The following ARHGAP6 variants were observed in gnomAD, a reference collection of about 807,000 sequenced individuals.
ARHGAP6 encodes rho GTPase-activating protein 6.
A neutral mutation model predicts 55.7 loss-of-function variants in ARHGAP6; 16 were observed. That is an observed-to-expected ratio of 0.29 (90% CI 0.19 to 0.44). The LOEUF is 0.44. ARHGAP6 is among the 20% of genes least tolerant of loss of function. ARHGAP6 has a pLI of 1.00. For synonymous variants in ARHGAP6, 382 were observed against 360.9 expected (o/e 1.06, Z -0.66); for missense variants, 698 against 808.9 (o/e 0.86, Z 1.66).
chrX:11,313,076 G>T (rs763408260), intron 1 of ARHGAP6, among the ~76,000 whole-genome samples: 10 of 112,321 alleles, frequency 8.9e-5, no homozygotes, highest in Non-Finnish European at 1.7e-4. Flanking sequence ...AACCTTAAGA[G>T]GTAGGTACTG....
intron 1 of ARHGAP6, among the ~76,000 whole-genome samples, chrX:11,513,762 T>G (rs73486548): frequency 0.096 from 10,603 of 110,734 alleles, 608 homozygotes; most frequent in African/African-American, 0.2. Flanking sequence ...AATGTGAGTG[T>G]ATTGATAGGT....
At chrX:11,375,847 A>C (rs1456741871) in intron 1 of ARHGAP6, among the ~76,000 whole-genome samples, 5 of 112,323 alleles carry the variant, frequency 4.5e-5, no homozygotes, top group Non-Finnish European at 7.5e-5. Flanking sequence ...TTGTGTAAAA[A>C]TAGAGACCAA....
intron 1 of ARHGAP6, chrX:11,290,438 G>C (rs766042414): frequency 8.0e-6 from 3 of 375,726 alleles, no homozygotes; most frequent in African/African-American, 5.4e-5. Context: ...GGAATTCATC[G>C]GTGGTTTTGT....
rs750889067 is a variant in ARHGAP6 at position 11,139,252 on chromosome X, C to T, written c.2536G>A (p.Ala846Thr). 1.0e-5 allele frequency: 12 copies of T among 1,195,898 alleles called. No individual in the cohort carries two copies. Among genetic ancestry groups the T allele is most frequent in the African/African-American group, 1.7e-5 (1 of 57,149 alleles). Reference sequence around the variant, plus strand: ...AGCTCACTCTCGCTGAGGTCGTGGGCGCCGCTCAGGGTCAAGTACTGCTCC... The same window carrying T: ...AGCTCACTCTCGCTGAGGTCGTGGGTGCCGCTCAGGGTCAAGTACTGCTCC... Reference protein sequence around the residue: ...RSEQYLTLSGAHDLSESELDV... With the variant: ...RSEQYLTLSGTHDLSESELDV... The change falls in exon 13 of 13, where the codon GCC (alanine) becomes ACC (threonine). Residue 846 changes from alanine (A) to threonine (T), a missense_variant. This residue lies in a region of ARHGAP6 where 212 missense variants were observed against 208.7 expected (regional missense o/e 1.02). Transcript: ENST00000337414.
intron 1 of ARHGAP6, among the ~76,000 whole-genome samples, chrX:11,463,677 T>G (rs1487713081): frequency 8.9e-6 from 1 of 111,981 alleles, no homozygotes; most frequent in Non-Finnish European, 1.9e-5. Context: ...TACATTGCAC[T>G]CATGAGTGTG....
chrX:11,239,660 T>G (rs754283971), intron 2 of ARHGAP6, among the ~76,000 whole-genome samples: 77 of 111,799 alleles, frequency 6.9e-4, no homozygotes, highest in African/African-American at 2.3e-3. Flanking sequence ...AAATCCTTTT[T>G]CTGCTTAAGT....
chrX:11,512,436 G>T (rs1240073271), intron 1 of ARHGAP6, among the ~76,000 whole-genome samples: 2 of 111,089 alleles, frequency 1.8e-5, no homozygotes, highest in African/African-American at 6.5e-5. Flanking sequence ...CTTACTGATG[G>T]AGCCTATTAA....
intron 5 of ARHGAP6, among the ~76,000 whole-genome samples, chrX:11,185,142 CTGTGTGTGTGTGTGTGTGTGTG>C (rs3990773): frequency 1.0e-5 from 1 of 95,965 alleles, no homozygotes; most frequent in Non-Finnish European, 2.1e-5. Flanking sequence ...TGGTGCATGA[CTGTGTGTGTGTGTGTGTGTGTG>C]TGTGTGTGTG....
chrX:11,479,953 G>C (rs1219386892), intron 1 of ARHGAP6, among the ~76,000 whole-genome samples: 1 of 111,556 alleles, frequency 9.0e-6, no homozygotes, highest in African/African-American at 3.3e-5. Context: ...ACATGCTTAG[G>C]GTGGGAGCAG....
At chrX:11,256,910 G>A (rs2047501166) in intron 1 of ARHGAP6, among the ~76,000 whole-genome samples, 1 of 111,808 alleles carries the variant, frequency 8.9e-6, no homozygotes, top group Non-Finnish European at 1.9e-5. Flanking sequence ...AGAGGAGTGA[G>A]TGAGCAAATC....
Position 11,257,225 on chromosome X carries a change from C to G in ARHGAP6, c.589-2518G>C, listed in dbSNP as rs60874579. On this transcript the variant is annotated intron_variant, in intron 1 of 12. Coordinates refer to ENST00000337414, the MANE Select transcript of ARHGAP6 (RefSeq NM_013427.3). ...TATCAAGCTTAGGTACCTACGGGAG[C>G]TGACTGTTATTTGAAGTGTCAAAAC... is the stretch of plus-strand genomic sequence containing the variant. 7.3e-3 allele frequency among the ~76,000 whole-genome samples: 815 copies of G among 111,910 alleles called. 11 individuals are homozygous for G. Among genetic ancestry groups the G allele is most frequent in the African/African-American group, 0.024 (753 of 30,786 alleles).
At chrX:11,464,046 A>T (rs188154999) in intron 1 of ARHGAP6, among the ~76,000 whole-genome samples, 1 of 111,806 alleles carries the variant, frequency 8.9e-6, no homozygotes, top group East Asian at 2.8e-4. Context: ...ATAACTTCCT[A>T]TCTTTTTCAG....
rs778324972 is a variant in ARHGAP6 at position 11,319,946 on chromosome X, G to A, written c.589-65239C>T. On this transcript the variant is annotated intron_variant, in intron 1 of 12. Coordinates refer to ENST00000337414, the MANE Select transcript of ARHGAP6 (RefSeq NM_013427.3). ...GCAATTTCTAATTCTCTAAACAGCTGGGGGGGAAAATATCACACAGAAAAG... is the reference window on the plus strand; with the variant it reads ...GCAATTTCTAATTCTCTAAACAGCTAGGGGGGAAAATATCACACAGAAAAG... 2.7e-4 allele frequency among the ~76,000 whole-genome samples: 30 copies of A among 111,906 alleles called. 1 individual carries two copies. The highest frequency in any genetic ancestry group is 5.6e-5 in the Non-Finnish European group (3 of 53,144).
chrX:11,277,267 G>C (rs1403709070), intron 1 of ARHGAP6, among the ~76,000 whole-genome samples: 1 of 111,225 alleles, frequency 9.0e-6, no homozygotes, highest in Non-Finnish European at 1.9e-5. Flanking sequence ...AATTTTGCTT[G>C]TCCATTCTTC....
In ARHGAP6 at chrX:11,337,178, A is replaced by C. The variant is rs778156360; in HGVS notation, c.589-82471T>G. On this transcript the variant is annotated intron_variant, in intron 1 of 12. Coordinates refer to ENST00000337414, the MANE Select transcript of ARHGAP6 (RefSeq NM_013427.3). ...AGGAAAAAAATACACAAGGGTAGAT[A>C]TCTATAGATATATAGATGTACATTG... Among the ~76,000 whole-genome samples the C allele has an allele frequency of 1.4e-4, 16 of 111,048 alleles. No individual in the cohort carries two copies. In the South Asian group the frequency reaches 6.1e-3, roughly 42 times the overall value.
intron 4 of ARHGAP6, among the ~76,000 whole-genome samples, chrX:11,186,940 A>AG (rs765034773): frequency 1.8e-5 from 2 of 110,867 alleles, no homozygotes; most frequent in African/African-American, 3.3e-5. Flanking sequence ...CCTGTAGGGG[A>AG]GGGGGGAAAT....
chrX:11,348,073 C>A (rs771436909), intron 1 of ARHGAP6, among the ~76,000 whole-genome samples: 4 of 112,202 alleles, frequency 3.6e-5, no homozygotes, highest in Admixed American at 9.4e-5. Context: ...TCTGATGCTT[C>A]CTTCAGGACT....
intron 2 of ARHGAP6, among the ~76,000 whole-genome samples, chrX:11,200,298 CA>C (rs2147368137): frequency 8.9e-6 from 1 of 112,410 alleles, no homozygotes; most frequent in African/African-American, 3.2e-5. Context: ...TTGGAATAAG[CA>C]CATAGGGATT....
In ARHGAP6 at chrX:11,567,564, A is replaced by T. The variant is rs868459726; in HGVS notation, c.588+96677T>A. On this transcript the variant is annotated intron_variant, in intron 1 of 12. Transcript: ENST00000337414. ...GGGAGACTCCATCTCAAAAAAAAAA[A>T]AAATATATATATATATTTGCCTCAG... Among the ~76,000 whole-genome samples, 106 of 64,420 alleles carry T rather than the reference A, an allele frequency of 1.6e-3. 1 individual carries two copies. Among genetic ancestry groups the T allele is most frequent in the African/African-American group, 5.5e-3 (82 of 14,838 alleles). The allele number at this position is 64,420 out of a possible 115,157, so 55.9% of individuals were successfully genotyped here. A position where few individuals can be genotyped will look rare whatever the true frequency, so the allele number is the denominator to read the frequency against.
Sources: gnomAD v4.1 joint callset for allele counts (sites outside exome capture counted in the v4.1 genomes callset) on GRCh38, gnomAD v4.1.1 for gene constraint, gnomAD v4.1.1 regional missense constraint, MANE v1.5 for transcripts, NCBI Gene and HGNC (gene_info 2026-07-23, HGNC 2026-07-21) for gene names.